ABCF2: variants seen among roughly 807,000 people sequenced by gnomAD.
ABCF2 encodes ATP-binding cassette sub-family F member 2.
A neutral mutation model predicts 76.9 loss-of-function variants in ABCF2; 37 were observed. The observed-to-expected ratio is 0.48, with a 90% CI of 0.37 to 0.63. The LOEUF (loss-of-function observed/expected upper bound fraction) is 0.63. ABCF2 is among the 30% of genes least tolerant of loss of function. The probability of loss-of-function intolerance (pLI) is 0.00; values close to 1 mark genes in which losing one functional copy is unlikely to be tolerated. For missense variants in ABCF2, 524 were observed against 782.1 expected (o/e 0.67, Z 3.94); for synonymous variants, 299 against 283.7 (o/e 1.05, Z -0.54).
chr7:151,212,534 CT>C lies in ABCF2; in HGVS notation c.*1519del. ...TATTTTTTTGAGACAGTGTCTCGGTCTGTCATCAGGCTGGAGTGTAGCGGCA... is the reference window on the plus strand; with the variant it reads ...TATTTTTTTGAGACAGTGTCTCGGTCGTCATCAGGCTGGAGTGTAGCGGCA... On this transcript the variant is annotated 3_prime_UTR_variant, in exon 15 of 15. Coordinates refer to ENST00000287844, the MANE Select transcript of ABCF2 (RefSeq NM_007189.3). 2.1e-6 allele frequency: 2 copies of C among 974,906 alleles called. No homozygotes were observed. The highest frequency in any genetic ancestry group is 2.4e-6 in the Non-Finnish European group (2 of 820,310). 60.4% of individuals were successfully genotyped at this position (974,906 alleles called of 1,614,324 possible).
intron 6 of ABCF2, 115 bp from the exon 7 acceptor site, chr7:151,221,795 C>A: frequency 2.7e-6 from 2 of 746,272 alleles, no homozygotes; most frequent in East Asian, 2.6e-5. Flanking sequence ...ATGTGTTGTC[C>A]AATTCCTGGC....
At chr7:151,217,750 A>AC (rs5888431) in intron 11 of ABCF2, among the ~76,000 whole-genome samples, 108,541 of 150,956 alleles carry the variant, frequency 0.72, 39,318 homozygotes, top group East Asian at 0.88. Context: ...CTGAGATCGC[A>AC]CATTGCACTC....
rs984348390 is a variant in ABCF2 at position 151,213,699 on chromosome 7, G to C, written c.*355C>G. 15 of 1,049,618 alleles carry C rather than the reference G, an allele frequency of 1.4e-5. No homozygotes were observed. The South Asian group carries it at 3.1e-4, about 22-fold the overall frequency. The allele number at this position is 1,049,618 out of a possible 1,614,324, so 65.0% of individuals were successfully genotyped here. On this transcript the variant is annotated 3_prime_UTR_variant, in exon 15 of 15. Coordinates refer to ENST00000287844, the MANE Select transcript of ABCF2 (RefSeq NM_007189.3). ...ACATCACCAAAACCCAGAAAACGAG[G>C]ATCCTAAGCTCCTCCGCAGGCCAAA...
intron 11 of ABCF2, among the ~76,000 whole-genome samples, chr7:151,216,762 C>T (rs1802160094): frequency 6.6e-6 from 1 of 152,166 alleles, no homozygotes; most frequent in East Asian, 1.9e-4. Flanking sequence ...GATCTGCCTG[C>T]CTCGGCCTCC....
At position 151,213,806 on chromosome 7, in the gene ABCF2, G is replaced by A; in HGVS notation, c.*248C>T. 7.5e-7 allele frequency: 1 copy of A among 1,327,780 alleles called. No homozygotes were observed. The highest frequency in any genetic ancestry group is 9.6e-7 in the Non-Finnish European group (1 of 1,041,230). The allele number at this position is 1,327,780 out of a possible 1,614,324, so 82.2% of individuals were successfully genotyped here. On this transcript the variant is annotated 3_prime_UTR_variant, in exon 15 of 15. Transcript: ENST00000287844. ...GAGTAAGATAACCAGCAAGGGGCTG[G>A]AGGGAACGGCCAGCCGAGTCCAGAC...
chr7:151,213,483 G>C lies in ABCF2; in HGVS notation c.*571C>G. 4 of 985,850 alleles carry C rather than the reference G, an allele frequency of 4.1e-6. No individual in the cohort carries two copies. The highest frequency in any genetic ancestry group is 4.8e-6 in the Non-Finnish European group (4 of 830,258). The allele number at this position is 985,850 out of a possible 1,614,324, so 61.1% of individuals were successfully genotyped here. On this transcript the variant is annotated 3_prime_UTR_variant, in exon 15 of 15. Coordinates refer to ENST00000287844, the MANE Select transcript of ABCF2 (RefSeq NM_007189.3). The stretch of plus-strand genomic sequence containing the variant: ...GCACTGCAGGGAGGAGAAGGCCCCA[G>C]AGACCCGAGAAGGAAGGTAGGGACC...
rs1038043950 is a variant in ABCF2 at position 151,215,189 on chromosome 7, T to C, written c.1531-107A>G. 7 of 1,130,310 alleles carry C rather than the reference T, an allele frequency of 6.2e-6. No homozygotes were observed. The African/African-American group carries it at 7.7e-5, about 12-fold the overall frequency. 70.0% of individuals were successfully genotyped at this position (1,130,310 alleles called of 1,614,324 possible). On this transcript the variant is annotated intron_variant, in intron 13 of 14. Transcript: ENST00000287844. This position sits in a 1 kb window ranked among gnomAD's most constrained non-coding sequence, Gnocchi z 4.6. ...ACTCCTCCATTAGCATCGCCATTTA[T>C]AAAAAGTGAGGCTCAGAGAGACCCA...
chr7:151,220,591 A>G (rs1802247630), intron 7 of ABCF2, among the ~76,000 whole-genome samples: 1 of 152,226 alleles, frequency 6.6e-6, no homozygotes, highest in South Asian at 2.1e-4. Context: ...AAGGCAAGGC[A>G]CAACAGTGGG....
Position 151,224,053 on chromosome 7 carries a change from G to A in ABCF2, c.429C>T (p.Asp143=), listed in dbSNP as rs1802326423. The part of the protein sequence containing the change: ...KREVPIPEHI[D]IYHLTREMPP... ...GCATCTCTCGAGTCAGATGGTAGAT[G>A]TCGATGTGCTCAGGGATGGGCACTT... Residue 143 remains aspartate, a synonymous_variant, in exon 4 of 15, where the codon GAC becomes GAT. Transcript: ENST00000287844. 1 of 1,614,076 alleles carries A rather than the reference G, an allele frequency of 6.2e-7. No homozygotes were observed. Among genetic ancestry groups the A allele is most frequent in the African/African-American group, 1.3e-5 (1 of 74,936 alleles).
rs1239915148 is a variant in ABCF2 at position 151,213,407 on chromosome 7, C to T, written c.*647G>A. 4 of 985,280 alleles carry T rather than the reference C, an allele frequency of 4.1e-6. No homozygotes were observed. The highest frequency in any genetic ancestry group is 4.8e-6 in the Non-Finnish European group (4 of 829,944). 61.0% of individuals were successfully genotyped at this position (985,280 alleles called of 1,614,324 possible). ...CTCCTATGGACTAGTCTTCAGTTCC[C>T]ATCGACACACTGACGCTGGATCCAG... On this transcript the variant is annotated 3_prime_UTR_variant, in exon 15 of 15. Coordinates refer to ENST00000287844, the MANE Select transcript of ABCF2 (RefSeq NM_007189.3).
Position 151,215,995 on chromosome 7 carries a change from G to A in ABCF2, c.1373C>T (p.Ser458Phe). Residue 458 changes from serine (S) to phenylalanine (F), a missense_variant, in exon 12 of 15, where the codon TCT becomes TTT. This residue lies in a region of ABCF2 where 194 missense variants were observed against 348.6 expected (regional missense o/e 0.56). Transcript: ENST00000287844. The surrounding 1 kb of genome is among the most constrained non-coding windows in gnomAD (Gnocchi z 4.6). Reference sequence around the variant, plus strand: ...ATGGTAACGCCCTATCTTGACATGAGAGTGTTTTCGGATCATGCCATCTGT... The same window carrying A: ...ATGGTAACGCCCTATCTTGACATGAAAGTGTTTTCGGATCATGCCATCTGT... ...LPTDGMIRKH[S>F]HVKIGRYHQH... 1.2e-6 allele frequency: 2 copies of A among 1,614,198 alleles called. No individual in the cohort carries two copies. The highest frequency in any genetic ancestry group is 1.7e-6 in the Non-Finnish European group (2 of 1,180,028).
chr7:151,226,478 A>T lies in ABCF2; in HGVS notation c.-20T>A. ...GGGCATGATGATGACCCACAGGGGTAGGTTACTGTTGTTTCAGGGAGCCTG... is the reference window on the plus strand; with the variant it reads ...GGGCATGATGATGACCCACAGGGGTTGGTTACTGTTGTTTCAGGGAGCCTG... On this transcript the variant is annotated 5_prime_UTR_variant, in exon 2 of 15. Coordinates refer to ENST00000287844, the MANE Select transcript of ABCF2 (RefSeq NM_007189.3). 2 of 1,609,766 alleles carry T rather than the reference A, an allele frequency of 1.2e-6. No homozygotes were observed. The highest frequency in any genetic ancestry group is 1.7e-6 in the Non-Finnish European group (2 of 1,178,350).
intron 7 of ABCF2, 90 bp from the exon 8 acceptor site, chr7:151,219,249 G>T: frequency 8.9e-7 from 1 of 1,119,104 alleles, no homozygotes; most frequent in Non-Finnish European, 1.4e-6. Flanking sequence ...ATGAGGGATG[G>T]CACTAACTTG....
At chr7:151,222,432 C>T (rs1336877332) in intron 6 of ABCF2, 89 bp downstream of exon 6, 1 of 1,084,754 alleles carries the variant, frequency 9.2e-7, no homozygotes, top group Non-Finnish European at 1.4e-6. Context: ...TTTCTCACCG[C>T]TCTAACATCA....
At chr7:151,216,089 G>T in intron 11 of ABCF2, 60 bp from the exon 12 acceptor site, 5 of 1,439,560 alleles carry the variant, frequency 3.5e-6, no homozygotes, top group Non-Finnish European at 3.9e-6. Flanking sequence ...TAGAAACATA[G>T]GCAGAGCAGG....
chr7:151,213,893 G>T lies in ABCF2; in HGVS notation c.*161C>A. 6.9e-7 allele frequency: 1 copy of T among 1,451,406 alleles called. No homozygotes were observed. Among genetic ancestry groups the T allele is most frequent in the Non-Finnish European group, 9.0e-7 (1 of 1,110,062 alleles). 89.9% of individuals were successfully genotyped at this position (1,451,406 alleles called of 1,614,324 possible). The stretch of plus-strand genomic sequence containing the variant: ...ACAGGTACTGTCCAGCTGTAGGTAA[G>T]AGAGTGCAGCTAAGGCAGGTTGAGG... On this transcript the variant is annotated 3_prime_UTR_variant, in exon 15 of 15. Transcript: ENST00000287844.
At chr7:151,223,906 C>G in intron 4 of ABCF2, 26 bp downstream of exon 4, 1 of 1,607,954 alleles carries the variant, frequency 6.2e-7, no homozygotes, top group Non-Finnish European at 8.5e-7. Flanking sequence ...GGACGCCCAC[C>G]CCTATGCCCA....
chr7:151,219,124 C>T lies in ABCF2; in HGVS notation c.957G>A (p.Glu319=), dbSNP rs1258765882. 6.2e-7 allele frequency: 1 copy of T among 1,614,058 alleles called. No individual in the cohort carries two copies. Among genetic ancestry groups the T allele is most frequent in the Admixed American group, 1.7e-5 (1 of 60,018 alleles). ...NYDQYVKTRL[E]LEENQMKRFH... ...ACCTCTTCATCTGGTTCTCCTCCAG[C>T]TCTAGCCGCGTCTTCACGTACTGAT... The change falls in exon 8 of 15, where the codon GAG becomes GAA. Residue 319 remains glutamate, a synonymous_variant. Transcript: ENST00000287844.
chr7:151,214,500 G>A lies in ABCF2; in HGVS notation c.1735-309C>T, dbSNP rs1802112166. Among the ~76,000 whole-genome samples, 1 of 152,134 alleles carries A rather than the reference G, an allele frequency of 6.6e-6. No homozygotes were observed. The highest frequency in any genetic ancestry group is 1.5e-5 in the Non-Finnish European group (1 of 68,044). On this transcript the variant is annotated intron_variant, in intron 14 of 14. Coordinates refer to ENST00000287844, the MANE Select transcript of ABCF2 (RefSeq NM_007189.3). The surrounding 1 kb of genome is among the most constrained non-coding windows in gnomAD (Gnocchi z 4.9). ...TCTCATCTTCCCCAGAGCTTCAGAGGAATGAGCAACAACTTTTTCTCAAAT... is the reference window on the plus strand; with the variant it reads ...TCTCATCTTCCCCAGAGCTTCAGAGAAATGAGCAACAACTTTTTCTCAAAT...
Sources: allele counts gnomAD v4.1 joint callset (sites outside exome capture counted in the v4.1 genomes callset), GRCh38; gene constraint gnomAD v4.1.1; regional missense constraint gnomAD v4.1.1; non-coding constraint Gnocchi (gnomAD v3.1); transcripts MANE v1.5; gene names NCBI Gene and HGNC (gene_info 2026-07-23, HGNC 2026-07-21).